The following LOXL2 variants were observed in gnomAD, a reference collection of about 807,000 sequenced individuals.
The protein encoded by LOXL2 is lysyl oxidase like 2, also known as lysyl oxidase homolog 2.
LOXL2 carries 70 observed loss-of-function variants against 93.0 expected under a neutral mutation model. The observed-to-expected ratio is 0.75, with a 90% CI of 0.62 to 0.92. The LOEUF (loss-of-function observed/expected upper bound fraction) is 0.92. Among genes scored for constraint, LOXL2 ranks in the 40% least tolerant of loss-of-function variants. LOXL2 has a pLI of 0.00. For synonymous variants in LOXL2, 438 were observed against 413.2 expected (o/e 1.06, Z -0.73); for missense variants, 973 against 1,054.9 (o/e 0.92, Z 1.08).
rs560933159 is a variant in LOXL2, at chr8:23,397,503, GCA to G, written c.-84+6449_-84+6450del. On this transcript the variant is annotated intron_variant, in intron 1 of 13. Transcript: ENST00000389131. ...TTTAGAAATATGCTTTTCCGGCCAG[GCA>G]CAGTGGCTCACGCCTGTAATCCCAG... is the stretch of plus-strand genomic sequence containing the variant. 4.1e-3 allele frequency among the ~76,000 whole-genome samples: 629 copies of G among 152,272 alleles called. 4 individuals carry two copies. Among genetic ancestry groups the G allele is most frequent in the South Asian group, 0.023 (112 of 4,822 alleles).
chr8:23,316,306 C>T (rs1470152891), intron 9 of LOXL2, among the ~76,000 whole-genome samples: 2 of 152,200 alleles, frequency 1.3e-5, no homozygotes, highest in African/African-American at 4.8e-5. Context: ...CTCAAGTTCT[C>T]TGGCCAGCAC....
intron 1 of LOXL2, among the ~76,000 whole-genome samples, chr8:23,395,702 T>C (rs767698987): frequency 7.2e-5 from 11 of 152,146 alleles, no homozygotes; most frequent in Non-Finnish European, 7.3e-5. Context: ...TTATTATTAT[T>C]ATTTTATTAT....
intron 1 of LOXL2, among the ~76,000 whole-genome samples, chr8:23,386,270 G>A (rs1344664247): frequency 6.6e-6 from 1 of 152,192 alleles, no homozygotes; most frequent in South Asian, 2.1e-4. Flanking sequence ...GCACACACCT[G>A]TAATCCCAGC....
At chr8:23,361,931 G>A (rs1563202162) in intron 2 of LOXL2, among the ~76,000 whole-genome samples, 1 of 152,208 alleles carries the variant, frequency 6.6e-6, no homozygotes, top group Non-Finnish European at 1.5e-5. Context: ...GTGCACTGTT[G>A]ATGGGAACAC....
At chr8:23,340,811 C>T (rs570451754) in intron 4 of LOXL2, among the ~76,000 whole-genome samples, 181 bp downstream of exon 4, 3 of 152,284 alleles carry the variant, frequency 2.0e-5, no homozygotes, top group African/African-American at 2.4e-5. Flanking sequence ...AAGGATGCCA[C>T]GGGGCACCCT....
chr8:23,341,073 T>C lies in LOXL2; in HGVS notation c.662A>G (p.His221Arg), dbSNP rs772862164. The change falls in exon 4 of 14, where the codon CAC (histidine) becomes CGC (arginine). Residue 221 changes from histidine (H) to arginine (R), a missense_variant. Transcript: ENST00000389131. ...CACGCGGGAATTCTTGGCCGTCCAG[T>C]GCTTGTCACAGATCTGCTTCCAGGT... ...GKTWKQICDK[H>R]WTAKNSRVVC... The C allele has an allele frequency of 6.8e-6, 11 of 1,614,022 alleles. No homozygotes were observed. In the Admixed American group the frequency reaches 1.0e-4, roughly 15 times the overall value.
At chr8:23,361,734 G>A (rs968963864) in intron 2 of LOXL2, among the ~76,000 whole-genome samples, 11 of 152,110 alleles carry the variant, frequency 7.2e-5, no homozygotes, top group Admixed American at 3.3e-4. Flanking sequence ...CCAGCTACTC[G>A]GGAGGCTGAG....
At chr8:23,318,382 T>C (rs1031702234) in intron 8 of LOXL2, among the ~76,000 whole-genome samples, 1 of 151,236 alleles carries the variant, frequency 6.6e-6, no homozygotes, top group Non-Finnish European at 1.5e-5. Flanking sequence ...GAGATATACA[T>C]ACACATATAT....
intron 7 of LOXL2, among the ~76,000 whole-genome samples, chr8:23,320,860 A>T (rs984378465): frequency 2.0e-5 from 3 of 152,074 alleles, no homozygotes. Context: ...GTGGGCTATG[A>T]TCATACCACT....
intron 1 of LOXL2, among the ~76,000 whole-genome samples, chr8:23,371,838 G>C (rs1201890981): frequency 1.3e-5 from 2 of 150,604 alleles, no homozygotes; most frequent in Non-Finnish European, 2.9e-5. Context: ...GAGCTCAAGT[G>C]GTTTGAGGTT....
chr8:23,348,817 C>A (rs1418378806), intron 3 of LOXL2, among the ~76,000 whole-genome samples: 1 of 152,034 alleles, frequency 6.6e-6, no homozygotes, highest in Non-Finnish European at 1.5e-5. Flanking sequence ...GCGGAGCTTG[C>A]AGTGAGCTGA....
chr8:23,329,889 G>A (rs192104723), intron 5 of LOXL2, among the ~76,000 whole-genome samples: 53 of 152,312 alleles, frequency 3.5e-4, no homozygotes, highest in Non-Finnish European at 4.9e-4. Context: ...TGTACCTTGG[G>A]GCTGGCCATG....
intron 1 of LOXL2, among the ~76,000 whole-genome samples, chr8:23,372,143 T>A (rs1804505678): frequency 1.3e-5 from 2 of 151,966 alleles, no homozygotes; most frequent in Admixed American, 1.3e-4. Context: ...TTACATTAGA[T>A]AAAATAAATA....
intron 2 of LOXL2, chr8:23,364,630 G>T (rs536281706): frequency 6.6e-6 from 1 of 152,174 alleles, no homozygotes; most frequent in Non-Finnish European, 1.5e-5. Flanking sequence ...GAGGCCAGGA[G>T]TTTGAGATCA....
chr8:23,377,497 T>C (rs1804612047), intron 1 of LOXL2, among the ~76,000 whole-genome samples: 1 of 127,384 alleles, frequency 7.9e-6, no homozygotes, highest in Non-Finnish European at 1.7e-5. Context: ...ATATCCTTGT[T>C]AACTTTCTGT....
Position 23,320,065 on chromosome 8 carries a change from A to G in LOXL2, c.1303-13T>C. ...CGTTCAGGCGCAGCTGCAGACACAA[A>G]GGCAGGCCACGGTCACCAAGAGGGA... is the stretch of plus-strand genomic sequence containing the variant. On this transcript the variant is annotated splice_polypyrimidine_tract_variant and intron_variant, in intron 7 of 13. Coordinates refer to ENST00000389131, the MANE Select transcript of LOXL2 (RefSeq NM_002318.3). 1.2e-6 allele frequency: 2 copies of G among 1,613,296 alleles called. No homozygotes were observed. The highest frequency in any genetic ancestry group is 1.7e-6 in the Non-Finnish European group (2 of 1,179,760).
chr8:23,298,951 G>A lies in LOXL2; in HGVS notation c.2134-4C>T. 1.9e-6 allele frequency: 3 copies of A among 1,555,020 alleles called. No individual in the cohort carries two copies. Among genetic ancestry groups the A allele is most frequent in the Non-Finnish European group, 8.9e-7 (1 of 1,126,362 alleles). ...CGAAGTTGGGGTTAATAACAACCTA[G>A]GGAGAAGCAGGGCAGAGGAGGCTGC... is the stretch of plus-strand genomic sequence containing the variant. On this transcript the variant is annotated splice_polypyrimidine_tract_variant and splice_region_variant and intron_variant, in intron 12 of 13. Transcript: ENST00000389131.
At chr8:23,319,695 C>A (rs1268772205) in intron 8 of LOXL2, among the ~76,000 whole-genome samples, 190 bp downstream of exon 8, 3 of 152,128 alleles carry the variant, frequency 2.0e-5, no homozygotes, top group South Asian at 2.1e-4. Context: ...GAGCGACCTG[C>A]CCGAGGACTC....
intron 4 of LOXL2, among the ~76,000 whole-genome samples, chr8:23,340,144 G>GC (rs1002123637): frequency 9.2e-5 from 14 of 152,312 alleles, no homozygotes; most frequent in African/African-American, 3.1e-4. Flanking sequence ...GCCTGGATCT[G>GC]CCCCTTCCTG....
Sources: gnomAD v4.1 joint callset for allele counts (sites outside exome capture counted in the v4.1 genomes callset) on GRCh38, gnomAD v4.1.1 for gene constraint, MANE v1.5 for transcripts, NCBI Gene and HGNC (gene_info 2026-07-23, HGNC 2026-07-21) for gene names.